The following C11orf24 variants were observed in gnomAD, a reference collection of about 807,000 sequenced individuals.
The protein encoded by C11orf24 is uncharacterized protein C11orf24.
Under a neutral mutation model 7.3 loss-of-function variants are expected in C11orf24, and 5 were observed. The observed-to-expected ratio is 0.69, with a 90% CI of 0.36 to 1.45. C11orf24 has a LOEUF of 1.45. Among genes scored for constraint, C11orf24 ranks in the 40% most tolerant of loss-of-function variants. The probability of loss-of-function intolerance (pLI) is 0.03; values close to 1 mark genes in which losing one functional copy is unlikely to be tolerated. For synonymous variants in C11orf24, 233 were observed against 235.7 expected, an observed-to-expected ratio of 0.99 and a Z score of 0.11; for missense variants, 566 against 590.5, an observed-to-expected ratio of 0.96 and a Z score of 0.43.
At position 68,262,341 on chromosome 11, in the gene C11orf24, C is replaced by T. The variant is rs145066492; in HGVS notation, c.654G>A (p.Ala218=). ...ATLATRAQTV[A]TTANTSSPMS... is the part of the protein sequence containing the mutation. ...TGGGGCTGCTTGTGTTTGCTGTGGT[C>T]GCTACAGTCTGAGCACGTGTGGCCA... The change falls in exon 4 of 4, where the codon GCG becomes GCA. Residue 218 remains alanine (A), a synonymous_variant. Coordinates refer to ENST00000304271, the MANE Select transcript of C11orf24 (RefSeq NM_022338.4). 8.7e-6 allele frequency: 14 copies of T among 1,613,908 alleles called. No individual in the cohort carries two copies. The highest frequency in any genetic ancestry group is 8.0e-5 in the African/African-American group (6 of 74,878).
rs1241761668 is a variant in C11orf24 at position 68,262,725 on chromosome 11, A to G, written c.270T>C (p.Ser90=). ...TTEDTSRTDV[S]EPATSGGAAD... ...CTGCACCTCCTGAAGTTGCTGGTTC[A>G]CTCACATCTGTCCTGCTTGTGTCCT... Residue 90 remains serine, a synonymous_variant, in exon 4 of 4, where the codon AGT becomes AGC. Transcript: ENST00000304271. The G allele has an allele frequency of 1.2e-6, 2 of 1,613,990 alleles. No homozygotes were observed. The highest frequency in any genetic ancestry group is 1.1e-5 in the South Asian group (1 of 91,086).
chr11:68,261,384 G>A lies in C11orf24; in HGVS notation c.*261C>T, dbSNP rs1257297522. On this transcript the variant is annotated 3_prime_UTR_variant, in exon 4 of 4. Coordinates refer to ENST00000304271, the MANE Select transcript of C11orf24 (RefSeq NM_022338.4). ...ATTCAGGTCAGGCTCCGACACCTGG[G>A]GAGACGGGGTCCTGCCCGCCCCACC... The A allele has an allele frequency of 8.8e-6, 4 of 456,276 alleles. No homozygotes were observed. The highest frequency in any genetic ancestry group is 2.8e-5 in the South Asian group (1 of 35,178). The allele number at this position is 456,276 out of a possible 1,614,324, so 28.3% of individuals were successfully genotyped here.
rs2098561813 is a variant in C11orf24 at position 68,261,793 on chromosome 11, A to T, written c.1202T>A (p.Leu401His). 22 of 1,614,168 alleles carry T rather than the reference A, an allele frequency of 1.4e-5. No homozygotes were observed. The highest frequency in any genetic ancestry group is 1.8e-5 in the Non-Finnish European group (21 of 1,180,034). Residue 401 changes from leucine to histidine, a missense_variant, in exon 4 of 4, where the codon CTC (leucine) becomes CAC (histidine). By Grantham distance (99) the Leu-to-His change is moderately conservative. Transcript: ENST00000304271. ...CCCGAGTAACAGCACCACCAGAAGG[A>T]GAGTTTTGTCTACCACGGCCTGGGT... ...PLTQAVVDKT[L>H]LLVVLLLGVT...
In C11orf24 at chr11:68,262,243, G is replaced by C. The variant is rs565569082; in HGVS notation, c.752C>G (p.Pro251Arg). The change falls in exon 4 of 4, where the codon CCC becomes CGC. Residue 251 changes from proline (P) to arginine (R), a missense_variant. Coordinates refer to ENST00000304271, the MANE Select transcript of C11orf24 (RefSeq NM_022338.4). Reference protein sequence around the residue: ...TAASPVPPMRPQAQGPISQVS... With the variant: ...TAASPVPPMRRQAQGPISQVS... ...CTGGCTAATGGGACCTTGTGCTTGG[G>C]GACGCATAGGGGGTACAGGGCTTGC... 1.5e-5 allele frequency: 24 copies of C among 1,613,042 alleles called. No homozygotes were observed. Among genetic ancestry groups the C allele is most frequent in the Non-Finnish European group, 2.0e-5 (23 of 1,179,142 alleles).
chr11:68,263,030 G>T, intron 3 of C11orf24, 112 bp from the exon 4 acceptor site: 1 of 855,248 alleles, frequency 1.2e-6, no homozygotes, highest in Non-Finnish European at 1.8e-6. Context: ...CCTCAGCCCA[G>T]CCAGAGTCGG....
In C11orf24 at chr11:68,262,621, C is replaced by CTGGAGGCCGCAGTCGTAA. The variant is rs748557353; in HGVS notation, c.356_373dup (p.Ile119_Ser124dup). ...GGGAGCACTGGAGGCCACAGTCATA[C>CTGGAGGCCGCAGTCGTAA]TGGAGGCCGCAGTCGTAATGGAGGC... On this transcript the variant is annotated inframe_insertion, in exon 4 of 4. Coordinates refer to ENST00000304271, the MANE Select transcript of C11orf24 (RefSeq NM_022338.4). 8 of 1,613,684 alleles carry CTGGAGGCCGCAGTCGTAA rather than the reference C, an allele frequency of 5.0e-6. No individual in the cohort carries two copies. The Middle Eastern group carries it at 5.0e-4, about 100-fold the overall frequency.
At chr11:68,264,162 T>C (rs2098563362) in intron 2 of C11orf24, among the ~76,000 whole-genome samples, 1 of 152,098 alleles carries the variant, frequency 6.6e-6, no homozygotes, top group African/African-American at 2.4e-5. Context: ...GGCTAAGACT[T>C]GGTTGTGTTC....
At position 68,262,855 on chromosome 11, in the gene C11orf24, AC is replaced by A; in HGVS notation, c.139del (p.Val47LeufsTer9). On this transcript the variant is annotated frameshift_variant, in exon 4 of 4. Transcript: ENST00000304271. LOFTEE classifies it low-confidence loss of function (END_TRUNC). ...LVKRNASVET[V>X]DNKTSEDVTM... ...TACATCCTCAGACGTTTTATTATCA[AC>A]TGTTTCCACAGATGCATTCCTCTTG... 6.2e-7 allele frequency: 1 copy of A among 1,614,138 alleles called. No individual in the cohort carries two copies. Among genetic ancestry groups the A allele is most frequent in the Non-Finnish European group, 8.5e-7 (1 of 1,180,032 alleles).
In C11orf24 at chr11:68,263,731, A is replaced by T. The variant is rs769266157; in HGVS notation, c.37T>A (p.Leu13Met). ...TALVLIWIFS[L>M]SLSESHAASN... ...GCCGCATGGCTTTCAGATAAGGACA[A>T]GGAGAAAATCCAAATGAGCACAAGA... The change falls in exon 3 of 4, where the codon TTG (leucine) becomes ATG (methionine). Residue 13 changes from leucine (L) to methionine (M), a missense_variant. Coordinates refer to ENST00000304271, the MANE Select transcript of C11orf24 (RefSeq NM_022338.4). 5 of 1,613,606 alleles carry T rather than the reference A, an allele frequency of 3.1e-6. No homozygotes were observed. In the South Asian group the frequency reaches 4.4e-5, roughly 14 times the overall value.
At chr11:68,270,479 G>A (rs536412770) in intron 1 of C11orf24, among the ~76,000 whole-genome samples, 34 of 151,900 alleles carry the variant, frequency 2.2e-4, no homozygotes, top group African/African-American at 7.2e-4. Context: ...GACTCCAGGC[G>A]TGGTGCTGCA....
At chr11:68,270,758 G>T (rs1414320916) in intron 1 of C11orf24, among the ~76,000 whole-genome samples, 11 of 152,118 alleles carry the variant, frequency 7.2e-5, no homozygotes, top group Admixed American at 6.6e-4. Flanking sequence ...ACCAAGTTAG[G>T]CAAGCTACAG....
Position 68,261,510 on chromosome 11 carries a change from G to A in C11orf24, c.*135C>T, listed in dbSNP as rs937714267. ...TAGTGATCATGGAATTAATCTGACA[G>A]CAATTAAATGTGTTTAAGCATCTGG... is the stretch of plus-strand genomic sequence containing the variant. On this transcript the variant is annotated 3_prime_UTR_variant, in exon 4 of 4. Transcript: ENST00000304271. 3 of 680,050 alleles carry A rather than the reference G, an allele frequency of 4.4e-6. No individual in the cohort carries two copies. Among genetic ancestry groups the A allele is most frequent in the South Asian group, 4.1e-5 (2 of 48,602 alleles). 42.1% of individuals were successfully genotyped at this position (680,050 alleles called of 1,614,324 possible).
At chr11:68,268,641 G>A (rs1170388204) in intron 1 of C11orf24, among the ~76,000 whole-genome samples, 7 of 152,154 alleles carry the variant, frequency 4.6e-5, no homozygotes, top group South Asian at 2.1e-4. Context: ...GCAGTGAGCC[G>A]AGATTGAGCC....
At chr11:68,266,320 A>C (rs894568640) in intron 2 of C11orf24, among the ~76,000 whole-genome samples, 4 of 152,142 alleles carry the variant, frequency 2.6e-5, no homozygotes, top group Non-Finnish European at 4.4e-5. Flanking sequence ...CTGCGCAACA[A>C]GAAGCCCCTG....
In C11orf24 at chr11:68,262,037, T is replaced by C. The variant is rs761375576; in HGVS notation, c.958A>G (p.Met320Val). The C allele has an allele frequency of 2.5e-6, 4 of 1,613,448 alleles. No individual in the cohort carries two copies. Among genetic ancestry groups the C allele is most frequent in the East Asian group, 2.2e-5 (1 of 44,836 alleles). The change falls in exon 4 of 4, where the codon ATG (methionine) becomes GTG (valine). Residue 320 changes from methionine to valine, a missense_variant. By Grantham distance (21) the Met-to-Val change is conservative. Coordinates refer to ENST00000304271, the MANE Select transcript of C11orf24 (RefSeq NM_022338.4). ...HTSPIPEMEA[M>V]SPTTQPSPMP... is the part of the protein sequence containing the mutation. ...GGGCTTGGCTGTGTCGTGGGGGACA[T>C]GGCCTCCATCTCAGGGATTGGGCTG...
chr11:68,262,844 T>G lies in C11orf24; in HGVS notation c.151A>C (p.Thr51Pro). The change falls in exon 4 of 4, where the codon ACG becomes CCG. Residue 51 changes from threonine to proline, a missense_variant. Transcript: ENST00000304271. ...GCTGCCATGGTTACATCCTCAGACG[T>G]TTTATTATCAACTGTTTCCACAGAT... The part of the protein sequence containing the change: ...NASVETVDNK[T>P]SEDVTMAAAS... 1 of 1,614,120 alleles carries G rather than the reference T, an allele frequency of 6.2e-7. No individual in the cohort carries two copies. The highest frequency in any genetic ancestry group is 2.2e-5 in the East Asian group (1 of 44,890).
intron 2 of C11orf24, chr11:68,267,124 C>G (rs953229750): frequency 6.6e-6 from 1 of 152,188 alleles, no homozygotes; most frequent in Admixed American, 6.5e-5. Context: ...TGGTTGTGTC[C>G]CAATAAAACT....
intron 2 of C11orf24, among the ~76,000 whole-genome samples, chr11:68,264,707 C>T (rs112203958): frequency 5.5e-4 from 7 of 12,756 alleles, no homozygotes; most frequent in East Asian, 1.8e-3. Flanking sequence ...CACCCACCCA[C>T]CCATCCATGC....
intron 3 of C11orf24, 110 bp downstream of exon 3, chr11:68,263,582 C>T: frequency 1.0e-6 from 1 of 978,318 alleles, no homozygotes; most frequent in Non-Finnish European, 1.5e-6. Flanking sequence ...CCTGGGAGGG[C>T]TGCGGTTCCT....
Sources: allele counts gnomAD v4.1 joint callset (sites outside exome capture counted in the v4.1 genomes callset), GRCh38; gene constraint gnomAD v4.1.1; transcripts MANE v1.5; gene names NCBI Gene and HGNC (gene_info 2026-07-23, HGNC 2026-07-21).